Variants in RFTN1 observed in about 807,000 individuals in gnomAD.
RFTN1 encodes raftlin, lipid raft linker 1.
RFTN1 carries 26 observed loss-of-function variants against 46.5 expected under a neutral mutation model. The ratio of observed to expected loss-of-function variants is 0.56; its 90% confidence interval spans 0.41 to 0.78. The LOEUF (loss-of-function observed/expected upper bound fraction) is 0.78, where lower values mean the gene tolerates loss of function less well. RFTN1 is among the 30% of genes least tolerant of loss of function. The probability of loss-of-function intolerance (pLI) is 0.00; values close to 1 mark genes in which losing one functional copy is unlikely to be tolerated. For synonymous variants in RFTN1, 261 were observed against 284.2 expected (o/e 0.92, Z 0.82); for missense variants, 693 against 718.7 (o/e 0.96, Z 0.41).
At chr3:16,412,094 G>A (rs2076819) in intron 3 of RFTN1, among the ~76,000 whole-genome samples, 81,712 of 152,006 alleles carry the variant, frequency 0.54, 22,045 homozygotes, top group South Asian at 0.57. Flanking sequence ...AACTGAAAGG[G>A]GCACAAAAGA....
intron 3 of RFTN1, among the ~76,000 whole-genome samples, chr3:16,417,219 G>A (rs778316163): frequency 1.5e-4 from 23 of 150,238 alleles, no homozygotes; most frequent in Non-Finnish European, 1.0e-4. Flanking sequence ...TTCTCCCTAC[G>A]TTGCCCAGGC....
chr3:16,464,940 C>A (rs143858221), intron 2 of RFTN1, among the ~76,000 whole-genome samples: 1 of 152,310 alleles, frequency 6.6e-6, no homozygotes, highest in Admixed American at 6.5e-5. Context: ...ATTGCATGTG[C>A]GGTTCCCTGA....
In RFTN1 at chr3:16,387,872, C is replaced by T. The variant is rs1447508329; in HGVS notation, c.442-9770G>A. On this transcript the variant is annotated intron_variant, in intron 4 of 9. Coordinates refer to ENST00000334133, the MANE Select transcript of RFTN1 (RefSeq NM_015150.2). The surrounding 1 kb of genome is among the most constrained non-coding windows in gnomAD (Gnocchi z 5.2). ...ACCCCATCCTCTCTGGTAGCTCATG[C>T]ATTCCCCTCCTCCTGGAGATGCTCT... Among the ~76,000 whole-genome samples, 2 of 152,066 alleles carry T rather than the reference C, an allele frequency of 1.3e-5. No homozygotes were observed. Among genetic ancestry groups the T allele is most frequent in the East Asian group, 3.9e-4 (2 of 5,178 alleles).
Position 16,374,923 on chromosome 3 carries a change from C to T in RFTN1, c.826+2795G>A, listed in dbSNP as rs1559303609. 1.3e-5 allele frequency among the ~76,000 whole-genome samples: 2 copies of T among 152,136 alleles called. No homozygotes were observed. Among genetic ancestry groups the T allele is most frequent in the Admixed American group, 6.5e-5 (1 of 15,280 alleles). Reference sequence around the variant, plus strand: ...CCGAGCCCGCAGAGATGGGGAGGGACGACCTGCCCCTGCTTCCGCATGGAG... The same window carrying T: ...CCGAGCCCGCAGAGATGGGGAGGGATGACCTGCCCCTGCTTCCGCATGGAG... On this transcript the variant is annotated intron_variant, in intron 5 of 9. Coordinates refer to ENST00000334133, the MANE Select transcript of RFTN1 (RefSeq NM_015150.2). The surrounding 1 kb of genome is among the most constrained non-coding windows in gnomAD (Gnocchi z 5.4).
chr3:16,362,854 G>C lies in RFTN1; in HGVS notation c.1031-4807C>G, dbSNP rs567646924. Among the ~76,000 whole-genome samples the C allele has an allele frequency of 1.4e-3, 209 of 152,266 alleles. 1 individual carries two copies. Among genetic ancestry groups the C allele is most frequent in the Middle Eastern group, 0.01 (3 of 294 alleles). On this transcript the variant is annotated intron_variant, in intron 6 of 9. Transcript: ENST00000334133. Reference sequence around the variant, plus strand: ...CAGAAGAGGGAAGGGGACACTCACAGCCCATCCAGACTTTTTCTCCATCCC... The same window carrying C: ...CAGAAGAGGGAAGGGGACACTCACACCCCATCCAGACTTTTTCTCCATCCC...
rs545309885 is a variant in RFTN1, at chr3:16,322,318, C to T, written c.1332+1058G>A. Among the ~76,000 whole-genome samples, 27 of 152,346 alleles carry T rather than the reference C, an allele frequency of 1.8e-4. No homozygotes were observed. Among genetic ancestry groups the T allele is most frequent in the Non-Finnish European group, 2.9e-4 (20 of 68,028 alleles). On this transcript the variant is annotated intron_variant, in intron 9 of 9. Coordinates refer to ENST00000334133, the MANE Select transcript of RFTN1 (RefSeq NM_015150.2). The surrounding 1 kb of genome is among the most constrained non-coding windows in gnomAD (Gnocchi z 6.2). ...GTCACCATTGCTTTGGCACTCCTTC[C>T]ACAAGTGGGCTCCCCCTGGAGTTGT...
chr3:16,343,501 C>T (rs916374228), intron 7 of RFTN1, among the ~76,000 whole-genome samples: 1 of 152,178 alleles, frequency 6.6e-6, no homozygotes, highest in Non-Finnish European at 1.5e-5. Flanking sequence ...AGGTGTCTCC[C>T]GCATCACTGT....
At chr3:16,412,905 A>C (rs915607110) in intron 3 of RFTN1, among the ~76,000 whole-genome samples, 1 of 152,152 alleles carries the variant, frequency 6.6e-6, no homozygotes, top group African/African-American at 2.4e-5. Flanking sequence ...CCTGCCAACA[A>C]ACTGAGGGAG....
In RFTN1 at chr3:16,322,759, C is replaced by T. The variant is rs532331687; in HGVS notation, c.1332+617G>A. 1.1e-4 allele frequency among the ~76,000 whole-genome samples: 16 copies of T among 152,258 alleles called. No individual in the cohort carries two copies. The highest frequency in any genetic ancestry group is 6.5e-4 in the Admixed American group (10 of 15,298). On this transcript the variant is annotated intron_variant, in intron 9 of 9. Transcript: ENST00000334133. This position sits in a 1 kb window ranked among gnomAD's most constrained non-coding sequence, Gnocchi z 6.2. ...CTCTCTGAGAAGGCCAGTCTCTGTG[C>T]GACTGTTTCTAGGGTAGTTCAGAGT...
chr3:16,390,916 A>G (rs1472322587), intron 4 of RFTN1, among the ~76,000 whole-genome samples: 2 of 152,224 alleles, frequency 1.3e-5, no homozygotes, highest in Admixed American at 6.5e-5. Flanking sequence ...ATTTTCTTTT[A>G]AAGTTTTTCC....
chr3:16,367,027 A>G (rs552666), intron 6 of RFTN1, among the ~76,000 whole-genome samples: 121,041 of 150,462 alleles, frequency 0.8, 48,471 homozygotes, highest in African/African-American at 0.93. Flanking sequence ...GTAATGCCTC[A>G]AGAACAGAAG....
intron 4 of RFTN1, among the ~76,000 whole-genome samples, chr3:16,389,486 GT>G (rs1408144347): frequency 7.8e-4 from 44 of 56,102 alleles, no homozygotes; most frequent in East Asian, 5.6e-3. Flanking sequence ...TAGGAGATGG[GT>G]TTTTTTTCGG....
Position 16,317,958 on chromosome 3 carries a change from C to T in RFTN1, c.1333-726G>A, listed in dbSNP as rs1387076751. 6.6e-6 allele frequency among the ~76,000 whole-genome samples: 1 copy of T among 152,202 alleles called. No individual in the cohort carries two copies. The highest frequency in any genetic ancestry group is 2.4e-5 in the African/African-American group (1 of 41,442). ...CATCACAGCCCAAATTCTCCCTCTG[C>T]CCGCTACTGTACCGACAAGTGTTCT... is the stretch of plus-strand genomic sequence containing the variant. On this transcript the variant is annotated intron_variant, in intron 9 of 9. Coordinates refer to ENST00000334133, the MANE Select transcript of RFTN1 (RefSeq NM_015150.2). The surrounding 1 kb of genome is among the most constrained non-coding windows in gnomAD (Gnocchi z 4.3).
At position 16,338,503 on chromosome 3, in the gene RFTN1, AAC is replaced by A. The variant is rs373939590; in HGVS notation, c.1147-11629_1147-11628del. Among the ~76,000 whole-genome samples the A allele has an allele frequency of 9.2e-4, 140 of 152,354 alleles. No homozygotes were observed. Among genetic ancestry groups the A allele is most frequent in the African/African-American group, 3.2e-3 (131 of 41,574 alleles). ...CTGTCCTCTAGAAGCTGACATCTTA[AAC>A]ACACATTGAGTGCTTCAGGGTGAGG... On this transcript the variant is annotated intron_variant, in intron 7 of 9. Coordinates refer to ENST00000334133, the MANE Select transcript of RFTN1 (RefSeq NM_015150.2). The surrounding 1 kb of genome is among the most constrained non-coding windows in gnomAD (Gnocchi z 5.3).
chr3:16,417,255 C>T (rs1239722218), intron 3 of RFTN1, among the ~76,000 whole-genome samples: 7 of 152,122 alleles, frequency 4.6e-5, no homozygotes, highest in Non-Finnish European at 5.9e-5. Context: ...CCGCCTCAGC[C>T]TCCTAAAGTG....
Position 16,457,801 on chromosome 3 carries a change from T to C in RFTN1, c.146-23764A>G, listed in dbSNP as rs1423340267. 6.6e-6 allele frequency among the ~76,000 whole-genome samples: 1 copy of C among 152,202 alleles called. No homozygotes were observed. Among genetic ancestry groups the C allele is most frequent in the African/African-American group, 2.4e-5 (1 of 41,440 alleles). Reference sequence around the variant, plus strand: ...TCTGAATGTGTCTCCCCCAAATTTATGTGTTGGAAACTTAATCCTCAACGC... The same window carrying C: ...TCTGAATGTGTCTCCCCCAAATTTACGTGTTGGAAACTTAATCCTCAACGC... On this transcript the variant is annotated intron_variant, in intron 2 of 9. Coordinates refer to ENST00000334133, the MANE Select transcript of RFTN1 (RefSeq NM_015150.2). This position sits in a 1 kb window ranked among gnomAD's most constrained non-coding sequence, Gnocchi z 4.2.
chr3:16,399,499 A>G (rs1298282767), intron 4 of RFTN1, among the ~76,000 whole-genome samples: 1 of 152,136 alleles, frequency 6.6e-6, no homozygotes, highest in Non-Finnish European at 1.5e-5. Context: ...TAACTCCTCC[A>G]TCGCTGAAAT....
At chr3:16,471,341 T>C (rs2076191810) in intron 2 of RFTN1, among the ~76,000 whole-genome samples, 1 of 152,226 alleles carries the variant, frequency 6.6e-6, no homozygotes, top group African/African-American at 2.4e-5. Context: ...TTAGACAACC[T>C]GGGCTCAAAT....
chr3:16,402,207 CCTT>C lies in RFTN1; in HGVS notation c.441+7165_441+7167del, dbSNP rs2074623442. Among the ~76,000 whole-genome samples, 1 of 152,234 alleles carries C rather than the reference CCTT, an allele frequency of 6.6e-6. No homozygotes were observed. ...GGTGTCATCCTTGGCACCTCTCTCTCCTTCAATGACACGAAGGTTTAGTGAGTA... is the reference window on the plus strand; with the variant it reads ...GGTGTCATCCTTGGCACCTCTCTCTCCAATGACACGAAGGTTTAGTGAGTA... On this transcript the variant is annotated intron_variant, in intron 4 of 9. Transcript: ENST00000334133. This position sits in a 1 kb window ranked among gnomAD's most constrained non-coding sequence, Gnocchi z 4.5.
Sources: allele counts gnomAD v4.1 joint callset (sites outside exome capture counted in the v4.1 genomes callset), GRCh38; gene constraint gnomAD v4.1.1; non-coding constraint Gnocchi (gnomAD v3.1); transcripts MANE v1.5; gene names NCBI Gene and HGNC (gene_info 2026-07-23, HGNC 2026-07-21).